Variants in PDZD4 observed in about 807,000 individuals in gnomAD.
PDZD4 encodes the protein PDZ domain containing 4.
A neutral mutation model predicts 38.5 loss-of-function variants in PDZD4; 9 were observed. The observed-to-expected ratio is 0.23, with a 90% confidence interval of 0.14 to 0.41. The LOEUF (loss-of-function observed/expected upper bound fraction) is 0.41, where lower values mean the gene tolerates loss of function less well. PDZD4 is among the 10% of genes least tolerant of loss of function. The pLI is 1.00. For synonymous variants in PDZD4, 349 were observed against 315.7 expected (o/e 1.11, Z -1.12); for missense variants, 612 against 722.0 (o/e 0.85, Z 1.75).
Position 153,803,916 on chromosome X carries a change from T to C in PDZD4, c.1765A>G (p.Ser589Gly), listed in dbSNP as rs1557075611. Residue 589 changes from serine (S) to glycine (G), a missense_variant, in exon 8 of 8, where the codon AGC (serine) becomes GGC (glycine). Ser to Gly is a moderately conservative substitution (Grantham distance 56). This residue lies in a region of PDZD4 where 300 missense variants were observed against 284.6 expected (regional missense o/e 1.05). Transcript: ENST00000393758. ...GQGQEGEHYH[S>G]CVQLAPTRGL... is the part of the protein sequence containing the mutation. ...CGCGTCGGGGCCAGCTGCACGCAGC[T>C]GTGGTAGTGCTCGCCCTCCTGGCCC... The C allele has an allele frequency of 1.7e-6, 2 of 1,179,834 alleles. No individual in the cohort carries two copies. Among genetic ancestry groups the C allele is most frequent in the East Asian group, 6.2e-5 (2 of 32,010 alleles).
At chrX:153,828,611 T>C (rs1557083001) in intron 1 of PDZD4, among the ~76,000 whole-genome samples, 2 of 112,642 alleles carry the variant, frequency 1.8e-5, no homozygotes, top group African/African-American at 6.4e-5. Flanking sequence ...CCCCAAGGGC[T>C]ACCGGTGTCG....
At chrX:153,807,899 G>A (rs1426143299) in intron 2 of PDZD4, 18 of 983,038 alleles carry the variant, frequency 1.8e-5, no homozygotes, top group Non-Finnish European at 2.1e-5. Context: ...GCGCTCACGC[G>A]GTCATGAGCC....
At position 153,803,359 on chromosome X, in the gene PDZD4, G is replaced by A. The variant is rs782151064; in HGVS notation, c.2322C>T (p.Thr774=). The change falls in exon 8 of 8, where the codon ACC becomes ACT. Residue 774 remains threonine (T), a synonymous_variant. Transcript: ENST00000393758. ...GTGTACCCGCCCGGGCAGCTCACAC[G>A]GTGGTGACTGAGAGAAGAGGGTTGT... ...RVYNPLLSVT[T]V 7 of 1,133,964 alleles carry A rather than the reference G, an allele frequency of 6.2e-6. No homozygotes were observed. The highest frequency in any genetic ancestry group is 3.5e-6 in the Non-Finnish European group (3 of 861,912). 93.5% of individuals were successfully genotyped at this position (1,133,964 alleles called of 1,213,427 possible).
intron 2 of PDZD4, among the ~76,000 whole-genome samples, chrX:153,807,656 G>A (rs1274520816): frequency 8.8e-6 from 1 of 113,095 alleles, no homozygotes; most frequent in Non-Finnish European, 1.9e-5. Flanking sequence ...AACCACGCCA[G>A]CTGGCAGGGA....
At chrX:153,809,416 T>C (rs2148462812) in intron 1 of PDZD4, among the ~76,000 whole-genome samples, 1 of 111,746 alleles carries the variant, frequency 8.9e-6, no homozygotes, top group African/African-American at 3.3e-5. Context: ...TGAAACCCCA[T>C]CTCTACTAAA....
At position 153,808,411 on chromosome X, in the gene PDZD4, A is replaced by T; in HGVS notation, c.245T>A (p.Met82Lys). 2.5e-6 allele frequency: 3 copies of T among 1,211,292 alleles called. No individual in the cohort carries two copies. The highest frequency in any genetic ancestry group is 3.4e-6 in the Non-Finnish European group (3 of 895,470). ...TQTDITFEHI[M>K]ALGKLRPPTP... ...GGGCGGACGCAGCTTGCCCAGCGCC[A>T]TGATATGCTCGAAGGTGATGTCGGT... Residue 82 changes from methionine to lysine, a missense_variant, in exon 2 of 8, where the codon ATG becomes AAG. By Grantham distance (95) the Met-to-Lys change is moderately conservative (BLOSUM62 -1). This residue lies in a region of PDZD4 where 225 missense variants were observed against 311.0 expected (regional missense o/e 0.72). Transcript: ENST00000393758.
chrX:153,807,458 G>A, intron 2 of PDZD4, 89 bp from the exon 3 acceptor site: 2 of 929,527 alleles, frequency 2.2e-6, no homozygotes, highest in Non-Finnish European at 1.5e-6. Context: ...CAGCGTGCCT[G>A]GCACGGAGGC....
At position 153,825,210 on chromosome X, in the gene PDZD4, G is replaced by T. The variant is rs782530669; in HGVS notation, c.60+5029C>A. Among the ~76,000 whole-genome samples, 43 of 112,346 alleles carry T rather than the reference G, an allele frequency of 3.8e-4. 1 individual carries two copies. Among genetic ancestry groups the T allele is most frequent in the Admixed American group, 3.7e-3 (39 of 10,632 alleles). ...CCCTCGATGTGGACAGAGGGGAGAT[G>T]ACAGGCGGTCCTGACCCACTCCCCC... On this transcript the variant is annotated intron_variant, in intron 1 of 7. Transcript: ENST00000393758.
Position 153,819,556 on chromosome X carries a change from A to T in PDZD4, c.60+10683T>A, listed in dbSNP as rs2314344. ...GACTCCCCTTACCCCACTGCTGTAG[A>T]GTAGGAAACAAGCTGGGGAAGGACA... On this transcript the variant is annotated intron_variant, in intron 1 of 7. Coordinates refer to ENST00000393758, the MANE Select transcript of PDZD4 (RefSeq NM_001303512.2). 9.5e-3 allele frequency among the ~76,000 whole-genome samples: 1,060 copies of T among 111,915 alleles called. 17 individuals carry two copies. The highest frequency in any genetic ancestry group is 0.033 in the African/African-American group (1,006 of 30,796).
intron 1 of PDZD4, among the ~76,000 whole-genome samples, chrX:153,822,186 CAA>C (rs57857575): frequency 0.033 from 1,555 of 47,375 alleles, 21 homozygotes; most frequent in African/African-American, 0.068. Flanking sequence ...GACTCTGTCT[CAA>C]AAAAAAAAAA....
chrX:153,824,068 A>G lies in PDZD4; in HGVS notation c.60+6171T>C, dbSNP rs550463093. On this transcript the variant is annotated intron_variant, in intron 1 of 7. Coordinates refer to ENST00000393758, the MANE Select transcript of PDZD4 (RefSeq NM_001303512.2). ...AAGGGCAGGTGTTCATATGTCATAC[A>G]TGAACCTGGGGAACCATCACCACCG... Among the ~76,000 whole-genome samples the G allele has an allele frequency of 2.7e-5, 3 of 111,918 alleles. No individual in the cohort carries two copies. The South Asian group carries it at 1.1e-3, about 42-fold the overall frequency.
chrX:153,826,416 AT>A (rs1157112788), intron 1 of PDZD4, among the ~76,000 whole-genome samples: 9 of 106,397 alleles, frequency 8.5e-5, no homozygotes, highest in South Asian at 4.2e-4. Context: ...ATAAAAATCA[AT>A]TTTTTTTTTG....
chrX:153,828,972 G>A (rs2064511001), intron 1 of PDZD4, among the ~76,000 whole-genome samples: 1 of 111,964 alleles, frequency 8.9e-6, no homozygotes, highest in Non-Finnish European at 1.9e-5. Flanking sequence ...GTGGCAGCCG[G>A]GAACTGAGAG....
intron 1 of PDZD4, among the ~76,000 whole-genome samples, chrX:153,819,219 AC>A (rs1404907110): frequency 8.9e-6 from 1 of 112,659 alleles, no homozygotes; most frequent in Non-Finnish European, 1.9e-5. Flanking sequence ...CGCCCCGCCA[AC>A]CCCGTCGGAG....
intron 1 of PDZD4, among the ~76,000 whole-genome samples, chrX:153,826,882 T>C (rs1557082644): frequency 8.9e-6 from 1 of 112,083 alleles, no homozygotes; most frequent in Admixed American, 9.5e-5. Context: ...ACGCACCCCA[T>C]GCTCATGAAC....
At position 153,804,505 on chromosome X, in the gene PDZD4, G is replaced by A. The variant is rs937843160; in HGVS notation, c.1176C>T (p.Ala392=). Residue 392 remains alanine, a synonymous_variant, in exon 8 of 8, where the codon GCC becomes GCT. Transcript: ENST00000393758. ...GGCTCTCGTTGCGGTTGACGTCCAG[G>A]GCGCTGTTGCCTCCGGAGGCCCGGG... is the stretch of plus-strand genomic sequence containing the variant. ...LFPRASGGNS[A]LDVNRNESLG... 8 of 1,208,713 alleles carry A rather than the reference G, an allele frequency of 6.6e-6. No homozygotes were observed. Among genetic ancestry groups the A allele is most frequent in the Admixed American group, 2.2e-5 (1 of 45,966 alleles).
rs111744325 is a variant in PDZD4 at position 153,821,380 on chromosome X, C to T, written c.60+8859G>A. Among the ~76,000 whole-genome samples, 1,021 of 110,457 alleles carry T rather than the reference C, an allele frequency of 9.2e-3. 17 individuals carry two copies. Among genetic ancestry groups the T allele is most frequent in the African/African-American group, 0.032 (967 of 30,336 alleles). ...TCCTGTAAAGCCCTCACGTAGGCAACGACTCCTGGATGTTCTGATTTACCC... is the reference window on the plus strand; with the variant it reads ...TCCTGTAAAGCCCTCACGTAGGCAATGACTCCTGGATGTTCTGATTTACCC... On this transcript the variant is annotated intron_variant, in intron 1 of 7. Transcript: ENST00000393758.
chrX:153,815,751 G>C (rs1557079783), intron 1 of PDZD4, among the ~76,000 whole-genome samples: 1 of 105,535 alleles, frequency 9.5e-6, no homozygotes, highest in Admixed American at 1.0e-4. Context: ...GGGAACCCTG[G>C]GAAGCTGGTT....
chrX:153,829,235 G>A (rs930595167), intron 1 of PDZD4, among the ~76,000 whole-genome samples: 3 of 88,586 alleles, frequency 3.4e-5, no homozygotes, highest in African/African-American at 1.3e-4. Context: ...CGGAGTTCTC[G>A]CCGATCCCTG....
Sources: allele counts gnomAD v4.1 joint callset (sites outside exome capture counted in the v4.1 genomes callset), GRCh38; gene constraint gnomAD v4.1.1; regional missense constraint gnomAD v4.1.1; transcripts MANE v1.5; gene names NCBI Gene and HGNC (gene_info 2026-07-23, HGNC 2026-07-21).